The following TDRD1 variants were observed in gnomAD, a reference collection of about 807,000 sequenced individuals.
TDRD1 encodes tudor domain-containing protein 1.
Under a neutral mutation model 140.6 loss-of-function variants are expected in TDRD1, and 37 were observed. The observed-to-expected ratio is 0.26, with a 90% CI of 0.20 to 0.35. TDRD1 has a LOEUF of 0.35. TDRD1 is among the 10% of genes least tolerant of loss of function. The pLI, the probability that TDRD1 is intolerant of heterozygous loss-of-function variation, is 1.00. For synonymous variants in TDRD1, 506 were observed against 475.7 expected (o/e 1.06, Z -0.83); for missense variants, 1,243 against 1,393.0 (o/e 0.89, Z 1.71).
At position 114,202,449 on chromosome 10, in the gene TDRD1, G is replaced by A; in HGVS notation, c.696+151G>A. 3 of 522,922 alleles carry A rather than the reference G, an allele frequency of 5.7e-6. No homozygotes were observed. In the South Asian group the frequency reaches 1.1e-4, roughly 20 times the overall value. 32.4% of individuals were successfully genotyped at this position (522,922 alleles called of 1,614,324 possible). ...TATGTACACCATAGTGATACAATCAGGGGTTTTTGAGAATTACTTCATCTT... is the reference window on the plus strand; with the variant it reads ...TATGTACACCATAGTGATACAATCAAGGGTTTTTGAGAATTACTTCATCTT... On this transcript the variant is annotated intron_variant, in intron 6 of 25. Transcript: ENST00000251864.
chr10:114,200,468 G>T (rs1414735841), intron 4 of TDRD1, among the ~76,000 whole-genome samples: 1 of 151,966 alleles, frequency 6.6e-6, no homozygotes, highest in African/African-American at 2.4e-5. Flanking sequence ...GATCTCCCTG[G>T]GTTTTTCTGG....
chr10:114,199,414 C>T, intron 4 of TDRD1, 97 bp downstream of exon 4: 1 of 1,445,538 alleles, frequency 6.9e-7, no homozygotes, highest in Non-Finnish European at 9.2e-7. Context: ...GTAATTAGAA[C>T]AGTGTCCCCA....
At chr10:114,202,875 G>C (rs2034853800) in intron 6 of TDRD1, among the ~76,000 whole-genome samples, 197 bp from the exon 7 acceptor site, 1 of 152,110 alleles carries the variant, frequency 6.6e-6, no homozygotes, top group South Asian at 2.1e-4. Flanking sequence ...CTTATTCTTG[G>C]GTTATTCCCA....
chr10:114,198,828 G>A (rs1215584646), intron 3 of TDRD1, among the ~76,000 whole-genome samples: 1 of 152,068 alleles, frequency 6.6e-6, no homozygotes, highest in East Asian at 1.9e-4. Flanking sequence ...TAGAGAGCAG[G>A]GCTTTTCTTG....
intron 1 of TDRD1, chr10:114,180,063 C>A (rs2032911089): frequency 6.6e-6 from 1 of 152,150 alleles, no homozygotes; most frequent in African/African-American, 2.4e-5. Context: ...TCCAACTTCC[C>A]ACGTCTCCCT....
At position 114,228,018 on chromosome 10, in the gene TDRD1, G is replaced by A. The variant is rs369105079; in HGVS notation, c.3451-20G>A. The A allele has an allele frequency of 5.6e-6, 9 of 1,609,574 alleles. No individual in the cohort carries two copies. The African/African-American group carries it at 8.0e-5, about 14-fold the overall frequency. On this transcript the variant is annotated intron_variant, in intron 24 of 25. Transcript: ENST00000251864. ...AACGTTTTTAGAAATTAAATCATAT[G>A]GTTTCTTTTTCACCCACAGGTTGAA...
chr10:114,211,834 A>C (rs1294626871), intron 13 of TDRD1, 32 bp from the exon 14 acceptor site: 2 of 1,488,282 alleles, frequency 1.3e-6, no homozygotes, highest in Admixed American at 5.3e-5. Context: ...CAGTGGAAAA[A>C]TCATTTGAGA....
exon 19 of TDRD1, chr10:114,220,801 G>A: frequency 6.2e-7 from 1 of 1,612,268 alleles, no homozygotes. Flanking sequence ...TGACAGACTT[G>A]TTAATAAACA....
intron 23 of TDRD1, 113 bp from the exon 24 acceptor site, chr10:114,227,797 T>C (rs2036523895): frequency 2.6e-6 from 2 of 782,126 alleles, no homozygotes; most frequent in Middle Eastern, 3.7e-4. Context: ...TCCAGGTCTT[T>C]GTAGTCGGAA....
intron 1 of TDRD1, among the ~76,000 whole-genome samples, chr10:114,186,243 C>A (rs901390877): frequency 6.6e-6 from 1 of 151,396 alleles, no homozygotes; most frequent in Non-Finnish European, 1.5e-5. Context: ...CTCCCCCAAC[C>A]ACCACCTGAT....
At chr10:114,187,448 G>T (rs1316568026) in intron 1 of TDRD1, among the ~76,000 whole-genome samples, 2 of 152,308 alleles carry the variant, frequency 1.3e-5, no homozygotes, top group East Asian at 3.9e-4. Flanking sequence ...GTGACGACCT[G>T]ATTTAAACAC....
At chr10:114,207,979 C>G (rs2035236136) in intron 11 of TDRD1, among the ~76,000 whole-genome samples, 1 of 151,844 alleles carries the variant, frequency 6.6e-6, no homozygotes, top group Non-Finnish European at 1.5e-5. Context: ...TGGGAGGGTA[C>G]CTAAGACTTG....
intron 1 of TDRD1, among the ~76,000 whole-genome samples, chr10:114,182,959 C>T (rs553661210): frequency 9.8e-5 from 15 of 152,298 alleles, no homozygotes; most frequent in African/African-American, 3.6e-4. Flanking sequence ...GCTGGGATTA[C>T]AGGTGTGAGC....
At chr10:114,231,629 GT>G in exon 26 of TDRD1, 1 of 819,566 alleles carries the variant, frequency 1.2e-6, no homozygotes, top group Non-Finnish European at 1.8e-6. Context: ...CTATCCCTCC[GT>G]TTTTGCCTGC....
At chr10:114,184,635 C>A (rs1296038866) in intron 1 of TDRD1, among the ~76,000 whole-genome samples, 1 of 152,212 alleles carries the variant, frequency 6.6e-6, no homozygotes, top group African/African-American at 2.4e-5. Flanking sequence ...GCGTTTGAGT[C>A]TGCTACAGTT....
At chr10:114,218,694 C>A in intron 18 of TDRD1, 110 bp downstream of exon 18, 4 of 767,160 alleles carry the variant, frequency 5.2e-6, no homozygotes, top group Admixed American at 3.2e-5. Flanking sequence ...GATCCTGCTT[C>A]ATATTATAAA....
At chr10:114,201,782 T>C (rs1172598864) in intron 5 of TDRD1, among the ~76,000 whole-genome samples, 2 of 152,252 alleles carry the variant, frequency 1.3e-5, no homozygotes, top group African/African-American at 4.8e-5. Flanking sequence ...TTTAATGATG[T>C]GTACTTTCCT....
intron 8 of TDRD1, among the ~76,000 whole-genome samples, chr10:114,203,795 G>T (rs368312085): frequency 3.3e-5 from 5 of 152,306 alleles, no homozygotes; most frequent in African/African-American, 1.2e-4. Flanking sequence ...CTGATGGCTA[G>T]TCTTAGAGCT....
chr10:114,225,478 C>G (rs1051601872), intron 21 of TDRD1, among the ~76,000 whole-genome samples: 1 of 151,856 alleles, frequency 6.6e-6, no homozygotes, highest in Non-Finnish European at 1.5e-5. Flanking sequence ...TCTACTAAAT[C>G]ATTTTCATTC....
Sources: allele counts gnomAD v4.1 joint callset (sites outside exome capture counted in the v4.1 genomes callset), GRCh38; gene constraint gnomAD v4.1.1; transcripts MANE v1.5; gene names NCBI Gene and HGNC (gene_info 2026-07-23, HGNC 2026-07-21).